Variants in ZC3H12C observed in about 807,000 individuals in gnomAD.
ZC3H12C encodes the protein probable ribonuclease ZC3H12C.
A neutral mutation model predicts 76.3 loss-of-function variants in ZC3H12C; 20 were observed. The observed-to-expected ratio is 0.26, with a 90% CI of 0.18 to 0.38. The LOEUF is 0.38. Ranked by LOEUF, ZC3H12C falls within the 10% of genes least tolerant of loss-of-function variation. ZC3H12C has a pLI of 1.00. For synonymous variants in ZC3H12C, 352 were observed against 399.6 expected (o/e 0.88, Z 1.42); for missense variants, 874 against 1,086.5 (o/e 0.80, Z 2.75).
At chr11:110,119,969 C>T (rs1186102025) in intron 1 of ZC3H12C, among the ~76,000 whole-genome samples, 5 of 152,328 alleles carry the variant, frequency 3.3e-5, no homozygotes, top group Admixed American at 6.5e-5. Context: ...CCCTGTTATA[C>T]ATATCCTTTC....
intron 1 of ZC3H12C, among the ~76,000 whole-genome samples, chr11:110,100,741 G>A (rs1439365965): frequency 6.6e-6 from 1 of 152,078 alleles, no homozygotes; most frequent in African/African-American, 2.4e-5. Context: ...TCGACCAGCC[G>A]TTGCCCTGTT....
intron 3 of ZC3H12C, among the ~76,000 whole-genome samples, chr11:110,155,548 G>C (rs182048015): frequency 3.5e-5 from 5 of 142,996 alleles, no homozygotes; most frequent in Non-Finnish European, 7.7e-5. Flanking sequence ...AAAAAAAAAA[G>C]TGTTCATTCA....
At chr11:110,113,720 A>G (rs759420233) in intron 1 of ZC3H12C, among the ~76,000 whole-genome samples, 10 of 152,148 alleles carry the variant, frequency 6.6e-5, no homozygotes, top group Non-Finnish European at 1.2e-4. Context: ...GCCATCAGTT[A>G]TTTTATAACT....
intron 2 of ZC3H12C, among the ~76,000 whole-genome samples, chr11:110,143,495 T>A (rs1862104244): frequency 6.6e-6 from 1 of 151,624 alleles, no homozygotes; most frequent in African/African-American, 2.4e-5. Flanking sequence ...GGACTTTATA[T>A]TAATAATTTA....
Position 110,164,536 on chromosome 11 carries a change from G to A in ZC3H12C, c.1451G>A (p.Arg484Gln). Residue 484 changes from arginine to glutamine, a missense_variant, in exon 6 of 6, where the codon CGA becomes CAA. Arg to Gln is a conservative substitution (Grantham distance 43). Coordinates refer to ENST00000278590, the MANE Select transcript of ZC3H12C (RefSeq NM_033390.2). The surrounding 1 kb of genome is among the most constrained non-coding windows in gnomAD (Gnocchi z 5.7). ...GCTGATAGCACTTCTGATGTCAAAC[G>A]AGGTGCTCCAAAGAGGCAATCAGAT... ...TKADSTSDVK[R>Q]GAPKRQSDPS... The A allele has an allele frequency of 1.9e-6, 3 of 1,613,890 alleles. No individual in the cohort carries two copies. The highest frequency in any genetic ancestry group is 2.7e-5 in the African/African-American group (2 of 75,010).
At chr11:110,125,998 A>G (rs1015096347) in intron 1 of ZC3H12C, among the ~76,000 whole-genome samples, 13 of 152,172 alleles carry the variant, frequency 8.5e-5, no homozygotes, top group African/African-American at 3.1e-4. Flanking sequence ...TCTGACCCTG[A>G]GAGCTCCTTC....
chr11:110,111,848 T>C (rs11213271), intron 1 of ZC3H12C, among the ~76,000 whole-genome samples: 18,553 of 151,950 alleles, frequency 0.12, 1,522 homozygotes, highest in East Asian at 0.44. Context: ...TGGCCCCCAG[T>C]AGCTTTTTGA....
chr11:110,095,185 C>T (rs1019085989), intron 1 of ZC3H12C, among the ~76,000 whole-genome samples: 1 of 152,078 alleles, frequency 6.6e-6, no homozygotes, highest in Non-Finnish European at 1.5e-5. Context: ...TATAAAAATA[C>T]CCTATTTTAT....
At chr11:110,158,955 T>A (rs962548606) in intron 3 of ZC3H12C, among the ~76,000 whole-genome samples, 2 of 152,234 alleles carry the variant, frequency 1.3e-5, no homozygotes, top group African/African-American at 4.8e-5. Flanking sequence ...GGTCGTGTGA[T>A]GACTCCAGCT....
chr11:110,115,376 C>T (rs185752041), intron 1 of ZC3H12C, among the ~76,000 whole-genome samples: 1 of 152,276 alleles, frequency 6.6e-6, no homozygotes. Flanking sequence ...GATCTTGGCT[C>T]ACTGCAGCCT....
chr11:110,159,589 T>C (rs2134197594), intron 4 of ZC3H12C, 99 bp downstream of exon 4: 1 of 1,006,004 alleles, frequency 9.9e-7, no homozygotes, highest in Non-Finnish European at 1.5e-6. Flanking sequence ...CTGTCCAGAC[T>C]TCACACAGGT....
At chr11:110,156,093 T>C (rs1037956385) in intron 3 of ZC3H12C, among the ~76,000 whole-genome samples, 11 of 73,554 alleles carry the variant, frequency 1.5e-4, no homozygotes, top group African/African-American at 3.2e-4. Context: ...CTTTATAAAA[T>C]GCCAAACTAA....
chr11:110,096,768 A>G (rs777902750), intron 1 of ZC3H12C, among the ~76,000 whole-genome samples: 1 of 152,246 alleles, frequency 6.6e-6, no homozygotes, highest in Non-Finnish European at 1.5e-5. Flanking sequence ...TTTCCTCTGC[A>G]TAGTACGACA....
At chr11:110,104,629 A>C (rs1861285833) in intron 1 of ZC3H12C, among the ~76,000 whole-genome samples, 2 of 152,222 alleles carry the variant, frequency 1.3e-5, no homozygotes, top group Admixed American at 1.3e-4. Context: ...GGGGCCTCTG[A>C]AATCAGGTAG....
intron 4 of ZC3H12C, among the ~76,000 whole-genome samples, chr11:110,161,310 C>T (rs1295241581): frequency 1.3e-5 from 2 of 152,122 alleles, no homozygotes; most frequent in Admixed American, 6.5e-5. Flanking sequence ...TCAGCTCTAC[C>T]GTCATATATG....
At chr11:110,148,280 G>A (rs1019427665) in intron 2 of ZC3H12C, among the ~76,000 whole-genome samples, 5 of 152,128 alleles carry the variant, frequency 3.3e-5, no homozygotes, top group Non-Finnish European at 4.4e-5. Context: ...TCTTTTGACC[G>A]TTGCAAAGCA....
Position 110,093,452 on chromosome 11 carries a change from G to T in ZC3H12C, c.21+20G>T, listed in dbSNP as rs1488942939. 8.3e-7 allele frequency: 1 copy of T among 1,205,356 alleles called. No homozygotes were observed. 74.7% of individuals were successfully genotyped at this position (1,205,356 alleles called of 1,614,324 possible). ...TCCCAGGTTTGTCCTCGGGAAGGGGGTGGGGGACGCGGACCGCGGCGAGAG... is the reference window on the plus strand; with the variant it reads ...TCCCAGGTTTGTCCTCGGGAAGGGGTTGGGGGACGCGGACCGCGGCGAGAG... On this transcript the variant is annotated intron_variant, in intron 1 of 5. Coordinates refer to ENST00000278590, the MANE Select transcript of ZC3H12C (RefSeq NM_033390.2).
At chr11:110,126,703 T>C (rs923561615) in intron 1 of ZC3H12C, among the ~76,000 whole-genome samples, 1 of 152,184 alleles carries the variant, frequency 6.6e-6, no homozygotes, top group Admixed American at 6.5e-5. Context: ...AGAAAATGTG[T>C]TTGGAACTTT....
chr11:110,150,492 A>G (rs1054232359), intron 2 of ZC3H12C, among the ~76,000 whole-genome samples: 7 of 152,272 alleles, frequency 4.6e-5, no homozygotes, highest in African/African-American at 1.4e-4. Flanking sequence ...TTTAACAAGG[A>G]CATTATATCT....
Sources: gnomAD v4.1 joint callset for allele counts (sites outside exome capture counted in the v4.1 genomes callset) on GRCh38, gnomAD v4.1.1 for gene constraint, Gnocchi (gnomAD v3.1) non-coding constraint, MANE v1.5 for transcripts, NCBI Gene and HGNC (gene_info 2026-07-23, HGNC 2026-07-21) for gene names.